TEX14: variants seen among roughly 807,000 people sequenced by gnomAD.
TEX14 encodes the protein inactive serine/threonine-protein kinase TEX14.
In TEX14, 168 loss-of-function variants were observed where a neutral mutation model predicts 178.6. That is an observed-to-expected ratio of 0.94 (90% CI 0.83 to 1.07). The LOEUF is 1.07. Among genes scored for constraint, TEX14 ranks in the 50% least tolerant of loss-of-function variants. TEX14 has a pLI of 0.00. For missense variants in TEX14, 1,730 were observed against 1,753.6 expected (o/e 0.99, Z 0.24); for synonymous variants, 626 against 634.1 (o/e 0.99, Z 0.19).
intron 11 of TEX14, among the ~76,000 whole-genome samples, chr17:58,604,201 G>C (rs1241999916): frequency 6.6e-6 from 1 of 151,700 alleles, no homozygotes; most frequent in Non-Finnish European, 1.5e-5. Flanking sequence ...GGCCGGGCGT[G>C]GTGGCTCACA....
intron 10 of TEX14, 148 bp downstream of exon 10, chr17:58,611,013 G>C: frequency 1.6e-6 from 1 of 626,564 alleles, no homozygotes; most frequent in African/African-American, 1.8e-5. Flanking sequence ...TGGCAGACAG[G>C]GTAAGGCATT....
chr17:58,585,947 C>A lies in TEX14; in HGVS notation c.2924G>T (p.Ser975Ile), dbSNP rs1191616983. Residue 975 changes from serine (S) to isoleucine (I), a missense_variant, in exon 18 of 32, where the codon AGC becomes ATC. Physicochemically the swap from Ser to Ile is moderately radical, Grantham distance 142 (BLOSUM62 -2). Around this residue, in one of 2 missense-constraint regions of TEX14, gnomAD observed 941 missense variants for 1,072.4 expected, o/e 0.88. Coordinates refer to ENST00000349033, the MANE Select transcript of TEX14 (RefSeq NM_031272.5). ...PDALLQPPIR[S>I]PENTDWQRVI... is the part of the protein sequence containing the mutation. ...TCGCTGCCAATCCGTGTTTTCTGGG[C>A]TCCTAATGGGGGGCTGCAGCAGGGC... 1 of 1,614,012 alleles carries A rather than the reference C, an allele frequency of 6.2e-7. No homozygotes were observed. Among genetic ancestry groups the A allele is most frequent in the Admixed American group, 1.7e-5 (1 of 59,994 alleles).
intron 9 of TEX14, 42 bp from the exon 10 acceptor site, chr17:58,611,381 G>T (rs753932850): frequency 6.8e-7 from 1 of 1,468,598 alleles, no homozygotes; most frequent in Non-Finnish European, 9.5e-7. Flanking sequence ...AAAAAGGACT[G>T]GGGCCCTGAC....
intron 26 of TEX14, 59 bp from the exon 27 acceptor site, chr17:58,565,883 T>C: frequency 1.5e-6 from 2 of 1,360,116 alleles, no homozygotes; most frequent in South Asian, 1.2e-5. Context: ...CCTGCCGTTC[T>C]CTAGAGCAGT....
intron 1 of TEX14, among the ~76,000 whole-genome samples, chr17:58,674,618 C>T (rs965711278): frequency 2.0e-5 from 3 of 151,830 alleles, no homozygotes; most frequent in Non-Finnish European, 2.9e-5. Context: ...TGCAGTGAGC[C>T]GAGATCCTGC....
chr17:58,678,267 C>G (rs1488832513), intron 1 of TEX14, among the ~76,000 whole-genome samples: 1 of 152,130 alleles, frequency 6.6e-6, no homozygotes, highest in Non-Finnish European at 1.5e-5. Flanking sequence ...GACAGTGTGG[C>G]GATTCCTCAA....
At chr17:58,587,750 A>G in intron 16 of TEX14, 84 bp from the exon 17 acceptor site, 1 of 1,196,846 alleles carries the variant, frequency 8.4e-7, no homozygotes, top group Non-Finnish European at 1.2e-6. Flanking sequence ...ACAGAACCAA[A>G]AGCCCACCAG....
At chr17:58,590,704 AG>A (rs2045113871) in intron 15 of TEX14, among the ~76,000 whole-genome samples, 1 of 151,958 alleles carries the variant, frequency 6.6e-6, no homozygotes, top group African/African-American at 2.4e-5. Context: ...GTGGGTCTAC[AG>A]CCGCACACCA....
In TEX14 at chr17:58,621,767, C is replaced by T. The variant is rs369686215; in HGVS notation, c.437G>A (p.Arg146His). 13 of 1,613,870 alleles carry T rather than the reference C, an allele frequency of 8.1e-6. No individual in the cohort carries two copies. The highest frequency in any genetic ancestry group is 5.3e-5 in the African/African-American group (4 of 75,046). Reference protein sequence around the residue: ...RSTQIVEFMQRCASHMQAIIQ... With the variant: ...RSTQIVEFMQHCASHMQAIIQ... ...GATGGCCTGCATGTGTGAGGCACAGCGCTGCATGAACTCCACTATCTGCAA... is the reference window on the plus strand; with the variant it reads ...GATGGCCTGCATGTGTGAGGCACAGTGCTGCATGAACTCCACTATCTGCAA... The change falls in exon 5 of 32, where the codon CGC becomes CAC. Residue 146 changes from arginine to histidine, a missense_variant. Transcript: ENST00000349033.
rs73327373 is a variant in TEX14 at position 58,618,789 on chromosome 17, G to A, written c.555-1170C>T. ...CAACTCATCAGTGCCAAGCTGTCCCGTCTCTGCTTTAAGCTGCTATGCTAT... is the reference window on the plus strand; with the variant it reads ...CAACTCATCAGTGCCAAGCTGTCCCATCTCTGCTTTAAGCTGCTATGCTAT... On this transcript the variant is annotated intron_variant, in intron 5 of 31. Transcript: ENST00000349033. 9.5e-3 allele frequency among the ~76,000 whole-genome samples: 1,446 copies of A among 152,304 alleles called. 24 individuals carry two copies. The highest frequency in any genetic ancestry group is 0.031 in the African/African-American group (1,299 of 41,556).
At chr17:58,646,560 G>C (rs1250551452) in intron 2 of TEX14, among the ~76,000 whole-genome samples, 1 of 152,048 alleles carries the variant, frequency 6.6e-6, no homozygotes, top group African/African-American at 2.4e-5. Context: ...TTGGACTCCT[G>C]GGGTCAAGTG....
chr17:58,639,807 C>A (rs2046531058), intron 2 of TEX14, among the ~76,000 whole-genome samples: 1 of 152,182 alleles, frequency 6.6e-6, no homozygotes, highest in Admixed American at 6.5e-5. Flanking sequence ...AAGGGTTTGA[C>A]TTTCGAACGC....
intron 23 of TEX14, among the ~76,000 whole-genome samples, chr17:58,572,448 C>T (rs1190813362): frequency 2.6e-5 from 4 of 151,972 alleles, no homozygotes; most frequent in Admixed American, 6.6e-5. Flanking sequence ...CTGGCTAACA[C>T]GGTGAAACCC....
intron 16 of TEX14, 43 bp downstream of exon 16, chr17:58,587,853 A>ACCCCCCCCCCCCC: frequency 1.7e-6 from 1 of 603,448 alleles, no homozygotes; most frequent in Non-Finnish European, 2.9e-6. Context: ...ACCCACCCCC[A>ACCCCCCCCCCCCC]CCCCCGCTCC....
chr17:58,688,232 T>C (rs1229357834), intron 1 of TEX14, among the ~76,000 whole-genome samples: 1 of 152,100 alleles, frequency 6.6e-6, no homozygotes, highest in Non-Finnish European at 1.5e-5. Flanking sequence ...GCAATTCTCC[T>C]GCCTCAGCCT....
rs771142765 is a variant in TEX14 at position 58,573,269 on chromosome 17, A to C, written c.3423T>G (p.Tyr1141Ter). ...CTTCCTTAAAAGAGCTGTCTGGTTC[A>C]TAGGAGATACTAGACAGGTCTTGAA... ...TDIQDLSSIS[Y>*]EPDSSFKEAS... The change falls in exon 23 of 32, where the codon TAT becomes TAG. Residue 1141 changes from tyrosine to a stop codon, truncating the protein, a stop_gained. Coordinates refer to ENST00000349033, the MANE Select transcript of TEX14 (RefSeq NM_031272.5). LOFTEE classifies it high-confidence loss of function. 5 of 1,613,608 alleles carry C rather than the reference A, an allele frequency of 3.1e-6. No homozygotes were observed. The highest frequency in any genetic ancestry group is 4.2e-6 in the Non-Finnish European group (5 of 1,179,474).
chr17:58,594,557 T>G (rs1405307196), intron 14 of TEX14, among the ~76,000 whole-genome samples: 1 of 152,024 alleles, frequency 6.6e-6, no homozygotes, highest in African/African-American at 2.4e-5. Context: ...TTCACCATGT[T>G]GGCCAGGCTG....
intron 10 of TEX14, 142 bp downstream of exon 10, chr17:58,611,019 G>C: frequency 1.6e-6 from 1 of 633,764 alleles, no homozygotes; most frequent in Non-Finnish European, 2.8e-6. Context: ...ACAGGGTAAG[G>C]CATTTGGGAC....
intron 10 of TEX14, among the ~76,000 whole-genome samples, chr17:58,609,325 G>A (rs899613587): frequency 5.9e-5 from 9 of 152,146 alleles, no homozygotes; most frequent in Non-Finnish European, 1.2e-4. Context: ...TAGCCAGGAT[G>A]GTCTCGATTT....
Sources: gnomAD v4.1 joint callset for allele counts (sites outside exome capture counted in the v4.1 genomes callset) on GRCh38, gnomAD v4.1.1 for gene constraint, gnomAD v4.1.1 regional missense constraint, MANE v1.5 for transcripts, NCBI Gene and HGNC (gene_info 2026-07-23, HGNC 2026-07-21) for gene names.